The following PCDH15 variants were observed in gnomAD, a reference collection of about 807,000 sequenced individuals.
The protein encoded by PCDH15 is protocadherin-15.
A neutral mutation model predicts 178.5 loss-of-function variants in PCDH15; 129 were observed. The ratio of observed to expected loss-of-function variants is 0.72; its 90% confidence interval spans 0.63 to 0.84. PCDH15 has a LOEUF of 0.84. PCDH15 is among the 40% of genes least tolerant of loss of function. PCDH15 has a pLI of 0.00. For missense variants in PCDH15, 2,230 were observed against 2,099.9 expected, an observed-to-expected ratio of 1.06 and a Z score of -1.21; for synonymous variants, 800 against 732.0, an observed-to-expected ratio of 1.09 and a Z score of -1.50.
At chr10:54,393,786 A>C (rs1343024438) in intron 3 of PCDH15, among the ~76,000 whole-genome samples, 4 of 152,172 alleles carry the variant, frequency 2.6e-5, no homozygotes, top group Non-Finnish European at 5.9e-5. Flanking sequence ...TTTAGGGAAA[A>C]AAGACACAAA....
At chr10:54,161,947 G>T (rs1049417137) in intron 13 of PCDH15, among the ~76,000 whole-genome samples, 1 of 152,094 alleles carries the variant, frequency 6.6e-6, no homozygotes, top group East Asian at 1.9e-4. Flanking sequence ...TTGTCTCACT[G>T]ATTGGCATTT....
At chr10:54,102,513 C>T (rs1033306610) in intron 15 of PCDH15, among the ~76,000 whole-genome samples, 3 of 152,224 alleles carry the variant, frequency 2.0e-5, no homozygotes, top group Admixed American at 1.3e-4. Flanking sequence ...CTGTTTTATG[C>T]TCAGGCCAAA....
intron 6 of PCDH15, among the ~76,000 whole-genome samples, chr10:54,342,328 C>A (rs1023955251): frequency 6.6e-6 from 1 of 152,230 alleles, no homozygotes; most frequent in African/African-American, 2.4e-5. Flanking sequence ...GCCACTCTAG[C>A]TCCAGCCATG....
At chr10:54,276,244 TTAAC>T (rs2132609027) in intron 8 of PCDH15, among the ~76,000 whole-genome samples, 1 of 151,834 alleles carries the variant, frequency 6.6e-6, no homozygotes, top group East Asian at 1.9e-4. Context: ...TCTGCTATGT[TTAAC>T]TAGCAAATAA....
At chr10:53,969,450 G>C (rs1830143857) in intron 21 of PCDH15, among the ~76,000 whole-genome samples, 1 of 152,150 alleles carries the variant, frequency 6.6e-6, no homozygotes, top group South Asian at 2.1e-4. Flanking sequence ...TATTATCCAG[G>C]AGAACTTCCC....
In PCDH15 at chr10:54,169,253, C is replaced by T. The variant is rs1337609183; in HGVS notation, c.1590+14191G>A. Among the ~76,000 whole-genome samples, 4 of 60,108 alleles carry T rather than the reference C, an allele frequency of 6.7e-5. 2 individuals are homozygous for T. Among genetic ancestry groups the T allele is most frequent in the Non-Finnish European group, 1.5e-4 (4 of 27,560 alleles). 39.4% of individuals were successfully genotyped at this position (60,108 alleles called of 152,430 possible). A position where few individuals can be genotyped will look rare whatever the true frequency, so the allele number is the denominator to read the frequency against. On this transcript the variant is annotated intron_variant, in intron 13 of 37. Coordinates refer to ENST00000644397, the MANE Select transcript of PCDH15 (RefSeq NM_001384140.1). ...GACACTGCTTGATCGCCTCGGAAGC[C>T]CCCTAGACAATCACGGACGCCGAGC...
chr10:54,837,903 G>A (rs1250209385), intron 3 of PCDH15, among the ~76,000 whole-genome samples: 1 of 152,096 alleles, frequency 6.6e-6, no homozygotes, highest in Admixed American at 6.6e-5. Context: ...ATTGTGGAGG[G>A]CCAATGAATG....
intron 2 of PCDH15, among the ~76,000 whole-genome samples, chr10:55,152,946 C>G (rs1224654451): frequency 6.6e-6 from 1 of 151,518 alleles, no homozygotes; most frequent in Admixed American, 6.6e-5. Flanking sequence ...TCCCTCTCAC[C>G]ACCATGAATT....
intron 2 of PCDH15, among the ~76,000 whole-genome samples, chr10:55,131,944 C>T (rs888396848): frequency 6.6e-6 from 1 of 152,156 alleles, no homozygotes; most frequent in Non-Finnish European, 1.5e-5. Flanking sequence ...GGGACCTACC[C>T]CTTTCCCCCC....
chr10:53,822,717 G>C, intron 32 of PCDH15: 1 of 1,614,098 alleles, frequency 6.2e-7, no homozygotes, highest in Non-Finnish European at 8.5e-7. Flanking sequence ...AGTGGAGAAT[G>C]AGAAGTGAGG....
intron 3 of PCDH15, among the ~76,000 whole-genome samples, chr10:54,487,684 G>A (rs1187961694): frequency 6.6e-6 from 1 of 151,700 alleles, no homozygotes; most frequent in Non-Finnish European, 1.5e-5. Context: ...TACTTCTAAA[G>A]GTTATTAACT....
intron 18 of PCDH15, among the ~76,000 whole-genome samples, chr10:54,044,941 C>A (rs2093627476): frequency 6.6e-6 from 1 of 151,980 alleles, no homozygotes; most frequent in Non-Finnish European, 1.5e-5. Context: ...AACATCAATT[C>A]CAACCAAGAA....
At chr10:55,625,023 A>G (rs1358183948) in intron 2 of PCDH15, among the ~76,000 whole-genome samples, 1 of 152,194 alleles carries the variant, frequency 6.6e-6, no homozygotes, top group South Asian at 2.1e-4. Context: ...AATATATGAA[A>G]TTAAAAGGTG....
At chr10:54,990,064 T>C (rs1839463256) in intron 2 of PCDH15, among the ~76,000 whole-genome samples, 1 of 152,192 alleles carries the variant, frequency 6.6e-6, no homozygotes, top group Non-Finnish European at 1.5e-5. Context: ...TGAGGCCTCC[T>C]CTGCCACATG....
At chr10:54,545,892 C>T (rs1051407826) in intron 2 of PCDH15, among the ~76,000 whole-genome samples, 3 of 152,298 alleles carry the variant, frequency 2.0e-5, no homozygotes, top group African/African-American at 4.8e-5. Flanking sequence ...GACTCATTTG[C>T]GGATAGGGTC....
chr10:53,846,023 T>TATAC (rs1554829211), intron 28 of PCDH15, among the ~76,000 whole-genome samples: 3 of 147,042 alleles, frequency 2.0e-5, no homozygotes, highest in Non-Finnish European at 3.0e-5. Flanking sequence ...TGTATGTGTA[T>TATAC]ACACACACAC....
intron 1 of PCDH15, among the ~76,000 whole-genome samples, chr10:54,700,120 TG>T (rs1395348889): frequency 6.6e-6 from 1 of 152,062 alleles, no homozygotes; most frequent in Non-Finnish European, 1.5e-5. Flanking sequence ...TTTGGCCCCC[TG>T]AGATCTTCCA....
At chr10:54,376,616 A>T (rs183554129) in intron 4 of PCDH15, among the ~76,000 whole-genome samples, 4 of 151,782 alleles carry the variant, frequency 2.6e-5, no homozygotes, top group Admixed American at 2.6e-4. Flanking sequence ...AAAATATCTT[A>T]TTCTATATCA....
At chr10:54,075,159 C>A (rs892140277) in intron 17 of PCDH15, among the ~76,000 whole-genome samples, 1 of 151,952 alleles carries the variant, frequency 6.6e-6, no homozygotes, top group Non-Finnish European at 1.5e-5. Flanking sequence ...AGGCAGATCA[C>A]GAGGTCAGGA....
Sources: gnomAD v4.1 joint callset for allele counts (sites outside exome capture counted in the v4.1 genomes callset) on GRCh38, gnomAD v4.1.1 for gene constraint, MANE v1.5 for transcripts, NCBI Gene and HGNC (gene_info 2026-07-23, HGNC 2026-07-21) for gene names.